Variants in NALF1 observed in about 807,000 individuals in gnomAD.
The protein encoded by NALF1 is family with sequence similarity 155 member A.
A neutral mutation model predicts 48.4 loss-of-function variants in NALF1; 3 were observed. The ratio of observed to expected loss-of-function variants is 0.06; its 90% CI spans 0.03 to 0.16. NALF1 has a LOEUF of 0.16. Ranked by LOEUF, NALF1 falls within the 10% of genes least tolerant of loss-of-function variation. The pLI is 1.00. For synonymous variants in NALF1, 262 were observed against 245.7 expected (o/e 1.07, Z -0.62); for missense variants, 526 against 571.5 (o/e 0.92, Z 0.81).
intron 1 of NALF1, among the ~76,000 whole-genome samples, chr13:107,382,163 C>T (rs1054896120): frequency 6.6e-6 from 1 of 152,174 alleles, no homozygotes; most frequent in Non-Finnish European, 1.5e-5. Context: ...AAATTTATAA[C>T]ATTTGCTGCA....
At chr13:107,481,173 G>T (rs1033721425) in intron 1 of NALF1, among the ~76,000 whole-genome samples, 11 of 152,246 alleles carry the variant, frequency 7.2e-5, no homozygotes, top group African/African-American at 2.6e-4. Context: ...CCACTGGATT[G>T]ATTGCTGAGA....
intron 1 of NALF1, among the ~76,000 whole-genome samples, chr13:107,556,610 G>A (rs886901224): frequency 3.9e-5 from 6 of 151,988 alleles, no homozygotes; most frequent in African/African-American, 1.5e-4. Flanking sequence ...TCCTGTCTCA[G>A]CCTCCCAAGT....
chr13:107,369,050 G>C (rs1471001109), intron 1 of NALF1, among the ~76,000 whole-genome samples: 7 of 152,160 alleles, frequency 4.6e-5, no homozygotes, highest in African/African-American at 1.4e-4. Context: ...TGCTCATTGT[G>C]TGTCAAAAAT....
intron 1 of NALF1, among the ~76,000 whole-genome samples, chr13:107,425,501 TATG>T (rs1262994730): frequency 2.0e-5 from 3 of 152,202 alleles, no homozygotes; most frequent in East Asian, 1.9e-4. Context: ...GACTAGGTAC[TATG>T]ATATTTAACA....
At chr13:107,680,899 T>G (rs1881282866) in intron 1 of NALF1, among the ~76,000 whole-genome samples, 1 of 149,908 alleles carries the variant, frequency 6.7e-6, no homozygotes, top group Non-Finnish European at 1.5e-5. Context: ...TGAGAGAGGG[T>G]GAGTGGTGTG....
chr13:107,198,012 A>C (rs9514628), intron 2 of NALF1, among the ~76,000 whole-genome samples: 96,616 of 152,068 alleles, frequency 0.64, 32,849 homozygotes, highest in African/African-American at 0.88. Flanking sequence ...CCCATAAAAT[A>C]AGGCTGGGAA....
chr13:107,345,864 A>C (rs1040794090), intron 1 of NALF1, among the ~76,000 whole-genome samples: 11 of 152,210 alleles, frequency 7.2e-5, no homozygotes, highest in Non-Finnish European at 1.3e-4. Flanking sequence ...TGGAGGGTTA[A>C]TATCCAGAAC....
chr13:107,680,920 T>G (rs144961422), intron 1 of NALF1, among the ~76,000 whole-genome samples: 3 of 149,092 alleles, frequency 2.0e-5, no homozygotes, highest in African/African-American at 7.4e-5. Context: ...AGAGGGTGTA[T>G]GAGAGTATGA....
intron 1 of NALF1, among the ~76,000 whole-genome samples, chr13:107,670,624 C>T (rs972841921): frequency 3.9e-5 from 6 of 152,034 alleles, no homozygotes; most frequent in African/African-American, 1.4e-4. Flanking sequence ...CCATGGGCCA[C>T]GTATAATTTC....
At position 107,227,922 on chromosome 13, in the gene NALF1, C is replaced by T. The variant is rs138776368; in HGVS notation, c.916-17167G>A. ...AAGACTTTGCTAATAATAAAGTCGG[C>T]AAAGAGCAATATTTCAAAATATGAG... On this transcript the variant is annotated intron_variant, in intron 1 of 2. Transcript: ENST00000375915. 5.3e-5 allele frequency among the ~76,000 whole-genome samples: 8 copies of T among 152,196 alleles called. No homozygotes were observed. The East Asian group carries it at 1.5e-3, about 29-fold the overall frequency.
intron 1 of NALF1, among the ~76,000 whole-genome samples, chr13:107,277,618 G>T (rs947419877): frequency 6.6e-6 from 1 of 152,154 alleles, no homozygotes; most frequent in Non-Finnish European, 1.5e-5. Context: ...TAATGAAAGG[G>T]TTTTCTAAGG....
intron 1 of NALF1, among the ~76,000 whole-genome samples, chr13:107,554,970 G>A (rs1475075663): frequency 6.6e-6 from 1 of 152,012 alleles, no homozygotes; most frequent in South Asian, 2.1e-4. Context: ...AACCTGTCCG[G>A]GGAGGCCTCT....
chr13:107,448,449 T>C (rs1884686358), intron 1 of NALF1, among the ~76,000 whole-genome samples: 1 of 152,184 alleles, frequency 6.6e-6, no homozygotes, highest in Admixed American at 6.5e-5. Context: ...ACCACGTCAT[T>C]CTATTTTAGC....
chr13:107,833,990 C>A (rs968663043), intron 1 of NALF1, among the ~76,000 whole-genome samples: 4 of 151,974 alleles, frequency 2.6e-5, no homozygotes, highest in Non-Finnish European at 5.9e-5. Context: ...TCTACAGGTT[C>A]TGTACCCATG....
At chr13:107,321,733 T>C (rs1882259053) in intron 1 of NALF1, among the ~76,000 whole-genome samples, 1 of 152,154 alleles carries the variant, frequency 6.6e-6, no homozygotes, top group Non-Finnish European at 1.5e-5. Flanking sequence ...TTTAAAAAGC[T>C]CCAGGTCCTC....
At chr13:107,859,092 C>G (rs539563128) in intron 1 of NALF1, among the ~76,000 whole-genome samples, 2 of 152,146 alleles carry the variant, frequency 1.3e-5, no homozygotes, top group East Asian at 3.9e-4. Flanking sequence ...TACACAGGCT[C>G]TGGAAATGCA....
intron 1 of NALF1, among the ~76,000 whole-genome samples, chr13:107,600,835 T>C (rs142114694): frequency 1.3e-5 from 2 of 152,318 alleles, no homozygotes; most frequent in African/African-American, 4.8e-5. Context: ...ATAGTATTTG[T>C]TGAATGAATG....
chr13:107,406,486 A>G (rs1370889784), intron 1 of NALF1, among the ~76,000 whole-genome samples: 1 of 152,030 alleles, frequency 6.6e-6, no homozygotes, highest in Non-Finnish European at 1.5e-5. Flanking sequence ...TGAAAACTAT[A>G]AAACACTGAT....
At chr13:107,298,351 C>CAAAAAAAAAAAAAA (rs1192707023) in intron 1 of NALF1, among the ~76,000 whole-genome samples, 7 of 16,626 alleles carry the variant, frequency 4.2e-4, no homozygotes, top group African/African-American at 7.6e-4. Flanking sequence ...GACTCCATCT[C>CAAAAAAAAAAAAAA]AAAAAAAAAA....
Sources: gnomAD v4.1 joint callset for allele counts (sites outside exome capture counted in the v4.1 genomes callset) on GRCh38, gnomAD v4.1.1 for gene constraint, MANE v1.5 for transcripts, NCBI Gene and HGNC (gene_info 2026-07-23, HGNC 2026-07-21) for gene names.